DPP10: variants seen among roughly 807,000 people sequenced by gnomAD.
DPP10 encodes dipeptidyl peptidase like 10.
A neutral mutation model predicts 120.9 loss-of-function variants in DPP10; 33 were observed. The ratio of observed to expected loss-of-function variants is 0.27; its 90% confidence interval spans 0.21 to 0.37. The LOEUF (loss-of-function observed/expected upper bound fraction) is 0.37. Ranked by LOEUF, DPP10 falls within the 10% of genes least tolerant of loss-of-function variation. The pLI, the probability that DPP10 is intolerant of heterozygous loss-of-function variation, is 1.00. For missense variants in DPP10, 816 were observed against 942.8 expected (o/e 0.87, Z 1.76); for synonymous variants, 337 against 326.1 (o/e 1.03, Z -0.36).
At chr2:114,906,567 A>G (rs1693981223) in intron 1 of DPP10, among the ~76,000 whole-genome samples, 1 of 152,114 alleles carries the variant, frequency 6.6e-6, no homozygotes, top group Non-Finnish European at 1.5e-5. Flanking sequence ...TGTCATAAAA[A>G]GAAGTTTGTA....
chr2:115,800,259 T>C (rs1420060377), intron 19 of DPP10, among the ~76,000 whole-genome samples: 1 of 151,882 alleles, frequency 6.6e-6, no homozygotes, highest in African/African-American at 2.4e-5. Context: ...GTTCATGTCC[T>C]TCGCCCACTT....
At chr2:115,085,146 C>A (rs2104518886) in intron 1 of DPP10, among the ~76,000 whole-genome samples, 1 of 152,336 alleles carries the variant, frequency 6.6e-6, no homozygotes, top group Non-Finnish European at 1.5e-5. Flanking sequence ...TTCTGCAGTT[C>A]TGTCTGAATT....
intron 1 of DPP10, among the ~76,000 whole-genome samples, chr2:114,626,937 G>A (rs1452043451): frequency 6.6e-6 from 1 of 151,838 alleles, no homozygotes; most frequent in Admixed American, 6.6e-5. Context: ...CATTTTAATG[G>A]CTGCATACTA....
chr2:115,250,147 T>G (rs2058694020), intron 1 of DPP10, among the ~76,000 whole-genome samples: 1 of 152,140 alleles, frequency 6.6e-6, no homozygotes, highest in South Asian at 2.1e-4. Context: ...TGAGAGTATA[T>G]CACATGTTCA....
chr2:114,718,686 T>C (rs1701513434), intron 1 of DPP10, among the ~76,000 whole-genome samples: 2 of 152,146 alleles, frequency 1.3e-5, no homozygotes, highest in South Asian at 4.1e-4. Flanking sequence ...TTAAAATGAA[T>C]GTTAAGGAAA....
At chr2:115,712,947 T>C (rs1444645165) in intron 7 of DPP10, among the ~76,000 whole-genome samples, 2 of 152,224 alleles carry the variant, frequency 1.3e-5, no homozygotes, top group South Asian at 2.1e-4. Context: ...ATTCTGCCTA[T>C]GTATCCTAGT....
chr2:115,509,840 G>T (rs2077134116), intron 4 of DPP10, among the ~76,000 whole-genome samples: 1 of 152,060 alleles, frequency 6.6e-6, no homozygotes, highest in Admixed American at 6.6e-5. Flanking sequence ...TATAAGAGGG[G>T]CTTGATTAAT....
chr2:115,194,844 C>T (rs2055149896), intron 1 of DPP10, among the ~76,000 whole-genome samples: 1 of 152,056 alleles, frequency 6.6e-6, no homozygotes, highest in African/African-American at 2.4e-5. Context: ...GGAGATTACT[C>T]TGTGTTTCAT....
chr2:115,364,435 C>G (rs1454612498), intron 3 of DPP10, among the ~76,000 whole-genome samples: 1 of 152,058 alleles, frequency 6.6e-6, no homozygotes, highest in Non-Finnish European at 1.5e-5. Flanking sequence ...GTGCTCAAAT[C>G]ACATAAAGAG....
intron 1 of DPP10, among the ~76,000 whole-genome samples, chr2:114,944,222 T>C (rs1203302239): frequency 6.6e-6 from 1 of 152,156 alleles, no homozygotes; most frequent in Non-Finnish European, 1.5e-5. Flanking sequence ...GCAAATAATG[T>C]AATTTATAGA....
chr2:114,546,521 C>G (rs758676473), intron 1 of DPP10, among the ~76,000 whole-genome samples: 4 of 152,184 alleles, frequency 2.6e-5, no homozygotes, highest in Non-Finnish European at 4.4e-5. Flanking sequence ...AACTATATTA[C>G]TCATGCAGCC....
intron 1 of DPP10, among the ~76,000 whole-genome samples, chr2:114,708,503 T>G (rs1700821555): frequency 6.6e-6 from 1 of 152,150 alleles, no homozygotes; most frequent in Non-Finnish European, 1.5e-5. Context: ...CTTCCCCTGT[T>G]CCCACCACCG....
chr2:115,023,544 T>C (rs1260877577), intron 1 of DPP10, among the ~76,000 whole-genome samples: 4 of 152,012 alleles, frequency 2.6e-5, no homozygotes, highest in Non-Finnish European at 5.9e-5. Flanking sequence ...ATACTGTCGG[T>C]GGGAATGCAA....
chr2:114,521,473 C>A (rs568948977), intron 1 of DPP10, among the ~76,000 whole-genome samples: 4 of 151,394 alleles, frequency 2.6e-5, no homozygotes, highest in Admixed American at 6.6e-5. Context: ...AATTAGAAAG[C>A]GATTAGATAC....
At chr2:115,775,179 G>A (rs1312437390) in intron 13 of DPP10, among the ~76,000 whole-genome samples, 1 of 151,120 alleles carries the variant, frequency 6.6e-6, no homozygotes, top group Non-Finnish European at 1.5e-5. Flanking sequence ...TCCAATGTCA[G>A]AATTTAGAAA....
chr2:115,434,711 T>C (rs1386363159), intron 3 of DPP10, among the ~76,000 whole-genome samples: 2 of 151,784 alleles, frequency 1.3e-5, no homozygotes, highest in East Asian at 3.9e-4. Flanking sequence ...TCTTCTTGCT[T>C]CTTTGAAATA....
At chr2:115,018,545 A>C (rs1329586941) in intron 1 of DPP10, among the ~76,000 whole-genome samples, 1 of 152,176 alleles carries the variant, frequency 6.6e-6, no homozygotes, top group African/African-American at 2.4e-5. Context: ...ATGAGTGAAA[A>C]AATATGTCCT....
intron 1 of DPP10, among the ~76,000 whole-genome samples, chr2:114,472,332 G>T (rs1435525216): frequency 1.3e-5 from 2 of 152,202 alleles, no homozygotes; most frequent in African/African-American, 4.8e-5. Context: ...TGTCCTTGAG[G>T]AGCCACTTCT....
rs546159085 is a variant in DPP10, at chr2:114,477,723, A to G, written c.60+34885A>G. Among the ~76,000 whole-genome samples, 737 of 151,130 alleles carry G rather than the reference A, an allele frequency of 4.9e-3. 7 individuals carry two copies. Among genetic ancestry groups the G allele is most frequent in the African/African-American group, 0.017 (697 of 41,210 alleles). On this transcript the variant is annotated intron_variant, in intron 1 of 25. Transcript: ENST00000410059. ...TATGTGTGTGTGTATATATATATATACATATATACACATACATATATGTAC... is the reference window on the plus strand; with the variant it reads ...TATGTGTGTGTGTATATATATATATGCATATATACACATACATATATGTAC...
Sources: gnomAD v4.1 joint callset for allele counts (sites outside exome capture counted in the v4.1 genomes callset) on GRCh38, gnomAD v4.1.1 for gene constraint, MANE v1.5 for transcripts, NCBI Gene and HGNC (gene_info 2026-07-23, HGNC 2026-07-21) for gene names.